The following SLC17A7 variants were observed in gnomAD, a reference collection of about 807,000 sequenced individuals.
SLC17A7 encodes the protein solute carrier family 17 member 7.
In SLC17A7, 15 loss-of-function variants were observed where a neutral mutation model predicts 59.1. That is an observed-to-expected ratio of 0.25 (90% CI 0.17 to 0.39). The LOEUF is 0.39. Among genes scored for constraint, SLC17A7 ranks in the 10% least tolerant of loss-of-function variants. The pLI is 1.00. For synonymous variants in SLC17A7, 353 were observed against 308.9 expected, an observed-to-expected ratio of 1.14 and a Z score of -1.50; for missense variants, 499 against 765.1, an observed-to-expected ratio of 0.65 and a Z score of 4.10.
chr19:49,440,320 G>A (rs1030481953), intron 1 of SLC17A7, among the ~76,000 whole-genome samples: 7 of 152,242 alleles, frequency 4.6e-5, no homozygotes, highest in African/African-American at 1.4e-4. Flanking sequence ...GGGGCATGGT[G>A]CTGATGAGGC....
At position 49,430,653 on chromosome 19, in the gene SLC17A7, C is replaced by T. The variant is rs140318887; in HGVS notation, c.1549G>A (p.Ala517Thr). ...KCGFVGHDQL[A>T]GSDDSEMEDE... ...TCCATTTCGCTGTCGTCACTGCCAG[C>T]CAGCTGGTCATGGCCAACGAAGCCA... Residue 517 changes from alanine to threonine, a missense_variant, in exon 12 of 12, where the codon GCT (alanine) becomes ACT (threonine). Transcript: ENST00000221485. 2.5e-6 allele frequency: 4 copies of T among 1,614,140 alleles called. No individual in the cohort carries two copies. In the African/African-American group the frequency reaches 5.3e-5, roughly 22 times the overall value.
In SLC17A7 at chr19:49,431,611, G is replaced by A. The variant is rs1361181883; in HGVS notation, c.1151-163C>T. ...CCTCTTCGCGCCCTCCACGCCACCC[G>A]CACCCACCCTAACCAGGCCCCTACT... On this transcript the variant is annotated intron_variant, in intron 9 of 11. Coordinates refer to ENST00000221485, the MANE Select transcript of SLC17A7 (RefSeq NM_020309.4). The surrounding 1 kb of genome is among the most constrained non-coding windows in gnomAD (Gnocchi z 4.6). Among the ~76,000 whole-genome samples the A allele has an allele frequency of 6.6e-6, 1 of 151,602 alleles. No individual in the cohort carries two copies. Among genetic ancestry groups the A allele is most frequent in the East Asian group, 1.9e-4 (1 of 5,144 alleles).
chr19:49,439,973 T>G (rs2078994003), intron 1 of SLC17A7, among the ~76,000 whole-genome samples: 1 of 152,094 alleles, frequency 6.6e-6, no homozygotes, highest in Non-Finnish European at 1.5e-5. Flanking sequence ...TGATGTATTT[T>G]GAGAAACTCG....
At chr19:49,441,145 C>A (rs2122311526) in intron 1 of SLC17A7, among the ~76,000 whole-genome samples, 173 bp downstream of exon 1, 1 of 152,202 alleles carries the variant, frequency 6.6e-6, no homozygotes, top group East Asian at 1.9e-4. Flanking sequence ...GGATAATGGA[C>A]AAGGCTCGAC....
chr19:49,433,462 A>G lies in SLC17A7; in HGVS notation c.867+264T>C, dbSNP rs748995245. ...AACTCAAGGTCTAAGCAAAACCCCC[A>G]CATTCTAATCCCTTCTCTGCTGGCT... On this transcript the variant is annotated intron_variant, in intron 7 of 11. Coordinates refer to ENST00000221485, the MANE Select transcript of SLC17A7 (RefSeq NM_020309.4). This position sits in a 1 kb window ranked among gnomAD's most constrained non-coding sequence, Gnocchi z 5.7. 11 of 590,000 alleles carry G rather than the reference A, an allele frequency of 1.9e-5. No individual in the cohort carries two copies. The highest frequency in any genetic ancestry group is 1.5e-4 in the African/African-American group (8 of 54,000). The allele number at this position is 590,000 out of a possible 1,614,324, so 36.5% of individuals were successfully genotyped here.
In SLC17A7 at chr19:49,433,946, T is replaced by C. The variant is rs777718517; in HGVS notation, c.724+14A>G. 2.5e-6 allele frequency: 4 copies of C among 1,613,250 alleles called. No individual in the cohort carries two copies. The South Asian group carries it at 3.3e-5, about 13-fold the overall frequency. ...CCCCAGCGCCACCCGGAACCAGGCATCCGGGTCCCTCACCGTAGACGTAGA... is the reference window on the plus strand; with the variant it reads ...CCCCAGCGCCACCCGGAACCAGGCACCCGGGTCCCTCACCGTAGACGTAGA... On this transcript the variant is annotated intron_variant, in intron 6 of 11. Transcript: ENST00000221485. The surrounding 1 kb of genome is among the most constrained non-coding windows in gnomAD (Gnocchi z 5.7).
chr19:49,430,508 G>A lies in SLC17A7; in HGVS notation c.*11C>T. The stretch of plus-strand genomic sequence containing the variant: ...GGTCCTGGAAACTGCCATTCAGTGG[G>A]AGGCACATGGTCAGTAGTCCCGGAC... On this transcript the variant is annotated 3_prime_UTR_variant, in exon 12 of 12. Coordinates refer to ENST00000221485, the MANE Select transcript of SLC17A7 (RefSeq NM_020309.4). 2 of 1,548,230 alleles carry A rather than the reference G, an allele frequency of 1.3e-6. No homozygotes were observed. The highest frequency in any genetic ancestry group is 1.7e-6 in the Non-Finnish European group (2 of 1,145,566).
chr19:49,437,939 G>T (rs916530427), intron 1 of SLC17A7: 2 of 150,754 alleles, frequency 1.3e-5, no homozygotes, highest in Non-Finnish European at 2.9e-5. Flanking sequence ...GAGAGAGGGG[G>T]ACAGAGACCC....
intron 1 of SLC17A7, chr19:49,437,896 GGA>G (rs1048419420): frequency 1.5e-5 from 2 of 135,854 alleles, no homozygotes; most frequent in African/African-American, 5.7e-5. Flanking sequence ...CCAGAGAGAG[GGA>G]GAGAGAATAA....
intron 2 of SLC17A7, chr19:49,435,597 A>C: frequency 7.8e-6 from 2 of 257,704 alleles, no homozygotes; most frequent in Non-Finnish European, 7.5e-6. Flanking sequence ...CTCCACTTAT[A>C]TCCAGCTTAT....
rs1026210190 is a variant in SLC17A7, at chr19:49,432,938, C to T, written c.890G>A (p.Arg297His). Reference protein sequence around the residue: ...PLTKFSTPWRRFFTSMPVYAI... With the variant: ...PLTKFSTPWRHFFTSMPVYAI... Reference sequence around the variant, plus strand: ...ATAGACTGGCATAGACGTGAAGAAGCGCCGCCAGGGAGTGCTAAACTTCTG... The same window carrying T: ...ATAGACTGGCATAGACGTGAAGAAGTGCCGCCAGGGAGTGCTAAACTTCTG... Residue 297 changes from arginine to histidine, a missense_variant, in exon 8 of 12, where the codon CGC becomes CAC. Coordinates refer to ENST00000221485, the MANE Select transcript of SLC17A7 (RefSeq NM_020309.4). 3.1e-6 allele frequency: 5 copies of T among 1,607,434 alleles called. No homozygotes were observed. The highest frequency in any genetic ancestry group is 3.4e-6 in the Non-Finnish European group (4 of 1,177,214).
chr19:49,438,809 A>G (rs1425341753), intron 1 of SLC17A7, among the ~76,000 whole-genome samples: 2 of 152,136 alleles, frequency 1.3e-5, no homozygotes, highest in Non-Finnish European at 2.9e-5. Context: ...TCAAGATGTG[A>G]TTGCAGCCCC....
intron 1 of SLC17A7, 135 bp downstream of exon 1, chr19:49,441,183 C>A: frequency 6.7e-7 from 1 of 1,494,092 alleles, no homozygotes; most frequent in East Asian, 2.7e-5. Context: ...TCGGAGCCCA[C>A]GGCAGAAAAC....
Position 49,431,075 on chromosome 19 carries a change from G to C in SLC17A7, c.1329C>G (p.Gly443=), listed in dbSNP as rs1324748733. 1 of 1,613,782 alleles carries C rather than the reference G, an allele frequency of 6.2e-7. No individual in the cohort carries two copies. The highest frequency in any genetic ancestry group is 1.3e-5 in the African/African-American group (1 of 74,924). ...YASILMGISN[G]VGTLSGMVCP... is the part of the protein sequence containing the mutation. ...ACACCATGCCCGACAGTGTGCCCAC[G>C]CCGTTGGAGATGCCCATGAGGATGC... The change falls in exon 11 of 12, where the codon GGC becomes GGG. Residue 443 remains glycine (G), a synonymous_variant. Transcript: ENST00000221485. The surrounding 1 kb of genome is among the most constrained non-coding windows in gnomAD (Gnocchi z 4.6).
rs2078950714 is a variant in SLC17A7 at position 49,429,781 on chromosome 19, C to G, written c.*738G>C. ...TTGAGTTCATGGACTGGAGCAGCCACTATTTAGACCTGAAAACCATGTCAG... is the reference window on the plus strand; with the variant it reads ...TTGAGTTCATGGACTGGAGCAGCCAGTATTTAGACCTGAAAACCATGTCAG... On this transcript the variant is annotated 3_prime_UTR_variant, in exon 12 of 12. Coordinates refer to ENST00000221485, the MANE Select transcript of SLC17A7 (RefSeq NM_020309.4). The G allele has an allele frequency of 2.6e-6, 1 of 391,078 alleles. No homozygotes were observed. The highest frequency in any genetic ancestry group is 1.4e-4 in the South Asian group (1 of 6,954). The allele number at this position is 391,078 out of a possible 1,614,324, so 24.2% of individuals were successfully genotyped here. A position where few individuals can be genotyped will look rare whatever the true frequency, so the allele number is the denominator to read the frequency against.
chr19:49,434,511 C>T (rs1600986166), intron 5 of SLC17A7, 91 bp downstream of exon 5: 1 of 1,082,420 alleles, frequency 9.2e-7, no homozygotes, highest in Non-Finnish European at 1.3e-6. Flanking sequence ...AGGAGTTCAG[C>T]CCCCCCAGCC....
chr19:49,439,346 T>A (rs940721817), intron 1 of SLC17A7, among the ~76,000 whole-genome samples: 3 of 152,134 alleles, frequency 2.0e-5, no homozygotes, highest in African/African-American at 7.2e-5. Flanking sequence ...TGGGACCTGA[T>A]CCCTTACTGG....
rs1262285228 is a variant in SLC17A7 at position 49,429,969 on chromosome 19, G to A, written c.*550C>T. 3.8e-5 allele frequency: 7 copies of A among 182,168 alleles called. No individual in the cohort carries two copies. The highest frequency in any genetic ancestry group is 1.6e-4 in the African/African-American group (7 of 42,834). 11.3% of individuals were successfully genotyped at this position (182,168 alleles called of 1,614,324 possible). On this transcript the variant is annotated 3_prime_UTR_variant, in exon 12 of 12. Transcript: ENST00000221485. ...GAAGTGGGCACGGAATCGGGGACTT[G>A]AAACCGCCATTTTCCATCAGAAACG...
chr19:49,433,156 G>A lies in SLC17A7; in HGVS notation c.868-196C>T. ...ATCCTAGCCTCAAGGTGACACTTGA[G>A]TGATGAAGGGGTCCTGGCCCTATGG... On this transcript the variant is annotated intron_variant, in intron 7 of 11. Transcript: ENST00000221485. This position sits in a 1 kb window ranked among gnomAD's most constrained non-coding sequence, Gnocchi z 5.7. 1 of 618,746 alleles carries A rather than the reference G, an allele frequency of 1.6e-6. No homozygotes were observed. Among genetic ancestry groups the A allele is most frequent in the Non-Finnish European group, 2.8e-6 (1 of 353,320 alleles). The allele number at this position is 618,746 out of a possible 1,614,324, so 38.3% of individuals were successfully genotyped here.
Sources: allele counts gnomAD v4.1 joint callset (sites outside exome capture counted in the v4.1 genomes callset), GRCh38; gene constraint gnomAD v4.1.1; non-coding constraint Gnocchi (gnomAD v3.1); transcripts MANE v1.5; gene names NCBI Gene and HGNC (gene_info 2026-07-23, HGNC 2026-07-21).